Variants in HBS1L observed in about 807,000 individuals in gnomAD.
The protein encoded by HBS1L is HBS1 like translational GTPase.
Under a neutral mutation model 88.9 loss-of-function variants are expected in HBS1L, and 55 were observed. That is an observed-to-expected ratio of 0.62 (90% CI 0.50 to 0.77). The LOEUF (loss-of-function observed/expected upper bound fraction) is 0.77. Among genes scored for constraint, HBS1L ranks in the 30% least tolerant of loss-of-function variants. The pLI, the probability that HBS1L is intolerant of heterozygous loss-of-function variation, is 0.00. For missense variants in HBS1L, 741 were observed against 829.3 expected, an observed-to-expected ratio of 0.89 and a Z score of 1.31; for synonymous variants, 267 against 288.5, an observed-to-expected ratio of 0.93 and a Z score of 0.76.
At chr6:135,015,365 T>G (rs182855757) in intron 4 of HBS1L, among the ~76,000 whole-genome samples, 1 of 152,162 alleles carries the variant, frequency 6.6e-6, no homozygotes, top group Non-Finnish European at 1.5e-5. Context: ...TAAGTGAGAT[T>G]CCAAAGTTCA....
intron 4 of HBS1L, chr6:135,027,104 A>G (rs1776249251): frequency 6.7e-6 from 1 of 148,268 alleles, no homozygotes; most frequent in African/African-American, 2.5e-5. Flanking sequence ...AGGCCGGAGA[A>G]CAGCTTGAAC....
At chr6:134,970,378 C>T (rs946819359) in intron 15 of HBS1L, among the ~76,000 whole-genome samples, 1 of 152,200 alleles carries the variant, frequency 6.6e-6, no homozygotes, top group African/African-American at 2.4e-5. Flanking sequence ...GGTGATCCGA[C>T]TGCCTCGGCA....
chr6:134,987,851 A>C, intron 8 of HBS1L, 60 bp from the exon 9 acceptor site: 1 of 1,383,264 alleles, frequency 7.2e-7, no homozygotes, highest in Non-Finnish European at 9.6e-7. Flanking sequence ...TTCAAAGGAC[A>C]GATTATTCAA....
chr6:134,986,052 G>A lies in HBS1L; in HGVS notation c.1423+14C>T. The A allele has an allele frequency of 9.8e-7, 1 of 1,022,734 alleles. No homozygotes were observed. Among genetic ancestry groups the A allele is most frequent in the Non-Finnish European group, 1.5e-6 (1 of 657,570 alleles). 63.4% of individuals were successfully genotyped at this position (1,022,734 alleles called of 1,614,324 possible). A position where few individuals can be genotyped will look rare whatever the true frequency, so the allele number is the denominator to read the frequency against. On this transcript the variant is annotated intron_variant, in intron 11 of 17. Transcript: ENST00000367837. Reference sequence around the variant, plus strand: ...GTTTATAATGCATTAAAGCTAGAATGGCAGTATACTTACCAATTTGTTCTA... The same window carrying A: ...GTTTATAATGCATTAAAGCTAGAATAGCAGTATACTTACCAATTTGTTCTA...
At chr6:135,031,820 A>G (rs1161213249) in intron 4 of HBS1L, among the ~76,000 whole-genome samples, 1 of 151,168 alleles carries the variant, frequency 6.6e-6, no homozygotes, top group Non-Finnish European at 1.5e-5. Context: ...TACGCATTTT[A>G]TCAGTTTTGT....
rs767339428 is a variant in HBS1L at position 134,996,960 on chromosome 6, A to C, written c.800-18T>G. 51 of 1,550,320 alleles carry C rather than the reference A, an allele frequency of 3.3e-5. 1 individual carries two copies. The highest frequency in any genetic ancestry group is 4.3e-5 in the Non-Finnish European group (50 of 1,149,726). ...AACATGACCTAAAGAAAATTGATTCAGGATTAATACCAGGTACATTTCCAG... is the reference window on the plus strand; with the variant it reads ...AACATGACCTAAAGAAAATTGATTCCGGATTAATACCAGGTACATTTCCAG... On this transcript the variant is annotated intron_variant, in intron 6 of 17. Coordinates refer to ENST00000367837, the MANE Select transcript of HBS1L (RefSeq NM_006620.4).
At chr6:135,010,000 G>A (rs1255400429) in intron 4 of HBS1L, among the ~76,000 whole-genome samples, 1 of 152,116 alleles carries the variant, frequency 6.6e-6, no homozygotes, top group Admixed American at 6.5e-5. Flanking sequence ...GATTATGGAA[G>A]AGAAAAACCA....
At chr6:134,993,028 A>G (rs1017990160) in intron 8 of HBS1L, among the ~76,000 whole-genome samples, 6 of 152,198 alleles carry the variant, frequency 3.9e-5, no homozygotes, top group African/African-American at 1.4e-4. Context: ...AGATACACAA[A>G]TATTTACCAC....
chr6:134,994,025 G>A (rs1775220514), intron 7 of HBS1L, 150 bp from the exon 8 acceptor site: 8 of 418,046 alleles, frequency 1.9e-5, no homozygotes, highest in East Asian at 1.0e-4. Context: ...ATTATCAATC[G>A]GGGCTGGAAT....
chr6:135,006,846 C>T (rs1221064935), intron 4 of HBS1L, among the ~76,000 whole-genome samples: 1 of 151,934 alleles, frequency 6.6e-6, no homozygotes. Flanking sequence ...AACAAGGAGA[C>T]ATCCTGACTG....
chr6:134,994,662 A>T (rs1033426495), intron 7 of HBS1L, among the ~76,000 whole-genome samples: 17 of 152,182 alleles, frequency 1.1e-4, no homozygotes, highest in Non-Finnish European at 2.5e-4. Flanking sequence ...ATTTTCAGTC[A>T]TTTTGTGTGA....
chr6:135,054,750 A>G lies in HBS1L; in HGVS notation c.-59T>C. 3 of 1,602,228 alleles carry G rather than the reference A, an allele frequency of 1.9e-6. No individual in the cohort carries two copies. The highest frequency in any genetic ancestry group is 1.1e-5 in the South Asian group (1 of 90,316). ...ACTCCTTCCAAAACACTCCGCTTAG[A>G]TACTGATAAGGCGCCAACTGCAGCC... On this transcript the variant is annotated 5_prime_UTR_variant, in exon 1 of 18. Coordinates refer to ENST00000367837, the MANE Select transcript of HBS1L (RefSeq NM_006620.4).
intron 4 of HBS1L, among the ~76,000 whole-genome samples, chr6:135,030,253 T>C (rs1376853839): frequency 6.6e-6 from 1 of 152,102 alleles, no homozygotes; most frequent in African/African-American, 2.4e-5. Flanking sequence ...AAAGTCTATG[T>C]ATGTGTGGGA....
At chr6:135,002,162 G>C (rs997430063) in intron 5 of HBS1L, among the ~76,000 whole-genome samples, 1 of 152,016 alleles carries the variant, frequency 6.6e-6, no homozygotes, top group African/African-American at 2.4e-5. Context: ...AAGGATTCTA[G>C]AGACTTTGAT....
intron 8 of HBS1L, among the ~76,000 whole-genome samples, chr6:134,993,019 G>GATA (rs1775188027): frequency 6.6e-6 from 1 of 152,078 alleles, no homozygotes; most frequent in African/African-American, 2.4e-5. Flanking sequence ...GATCAGTTTA[G>GATA]ATACACAAAT....
intron 8 of HBS1L, among the ~76,000 whole-genome samples, chr6:134,988,985 T>C (rs966910773): frequency 6.6e-6 from 1 of 152,206 alleles, no homozygotes; most frequent in Non-Finnish European, 1.5e-5. Flanking sequence ...GTGTGGACCA[T>C]CTTGTGAATC....
intron 15 of HBS1L, among the ~76,000 whole-genome samples, chr6:134,972,078 TA>T (rs1774506109): frequency 6.6e-6 from 1 of 152,222 alleles, no homozygotes; most frequent in East Asian, 1.9e-4. Flanking sequence ...ATGTAACTTG[TA>T]TGCATTATTT....
chr6:135,037,507 A>G, intron 4 of HBS1L: 3 of 1,549,478 alleles, frequency 1.9e-6, no homozygotes, highest in Non-Finnish European at 2.6e-6. Context: ...TGAACTTCCT[A>G]AACTGTCCTG....
At position 134,982,482 on chromosome 6, in the gene HBS1L, G is replaced by C. The variant is rs778290444; in HGVS notation, c.1573C>G (p.Pro525Ala). The C allele has an allele frequency of 1.2e-6, 2 of 1,607,456 alleles. No individual in the cohort carries two copies. The highest frequency in any genetic ancestry group is 2.2e-5 in the South Asian group (2 of 90,858). ...QTGDRLLAMP[P>A]NETCTVKGIT... is the part of the protein sequence containing the mutation. ...CCTTTCACGGTACAAGTTTCATTAG[G>C]AGGCATTGCCAGTAGTCGGTCACCA... is the stretch of plus-strand genomic sequence containing the variant. Residue 525 changes from proline (P) to alanine (A), a missense_variant, in exon 13 of 18, where the codon CCT becomes GCT. Physicochemically the swap from Pro to Ala is conservative, Grantham distance 27. Transcript: ENST00000367837.
Sources: gnomAD v4.1 joint callset for allele counts (sites outside exome capture counted in the v4.1 genomes callset) on GRCh38, gnomAD v4.1.1 for gene constraint, MANE v1.5 for transcripts, NCBI Gene and HGNC (gene_info 2026-07-23, HGNC 2026-07-21) for gene names.